The following MAST4 variants were observed in gnomAD, a reference collection of about 807,000 sequenced individuals.
MAST4 encodes the protein microtubule-associated serine/threonine-protein kinase 4.
In MAST4, 89 loss-of-function variants were observed where a neutral mutation model predicts 162.7. The ratio of observed to expected loss-of-function variants is 0.55; its 90% CI spans 0.46 to 0.65. The LOEUF (loss-of-function observed/expected upper bound fraction) is 0.65, where lower values mean the gene tolerates loss of function less well. Among genes scored for constraint, MAST4 ranks in the 30% least tolerant of loss-of-function variants. The pLI is 0.00. For synonymous variants in MAST4, 1,479 were observed against 1,361.1 expected (o/e 1.09, Z -1.91); for missense variants, 3,153 against 3,374.0 (o/e 0.93, Z 1.62).
intron 3 of MAST4, among the ~76,000 whole-genome samples, chr5:66,829,767 TTAAG>T (rs1205721857): frequency 6.6e-6 from 1 of 152,164 alleles, no homozygotes; most frequent in African/African-American, 2.4e-5. Flanking sequence ...TTCCTTAATA[TTAAG>T]TCTTTGAATT....
chr5:67,090,334 C>CTTCTCCCCGTCCCCAG (rs1763701418), intron 6 of MAST4, 103 bp downstream of exon 6: 1 of 588,832 alleles, frequency 1.7e-6, no homozygotes, highest in Non-Finnish European at 2.8e-6. Flanking sequence ...CCCGTCCCCA[C>CTTCTCCCCGTCCCCAG]TTCTCCCCCT....
At chr5:66,912,064 C>T (rs966791383) in intron 4 of MAST4, among the ~76,000 whole-genome samples, 1 of 152,052 alleles carries the variant, frequency 6.6e-6, no homozygotes, top group African/African-American at 2.4e-5. Flanking sequence ...CAGAGAGTAT[C>T]TTCTAGATTT....
chr5:67,153,432 A>G (rs1772088576), intron 25 of MAST4, 26 bp from the exon 26 acceptor site: 3 of 1,593,172 alleles, frequency 1.9e-6, no homozygotes, highest in Non-Finnish European at 2.6e-6. Context: ...GTTTGCCTAC[A>G]AATATCCTCT....
chr5:66,717,528 G>T (rs997384739), intron 1 of MAST4, among the ~76,000 whole-genome samples: 1 of 152,164 alleles, frequency 6.6e-6, no homozygotes, highest in Non-Finnish European at 1.5e-5. Context: ...ACCTAGTGCA[G>T]TCTCAGCCAG....
At chr5:67,133,937 A>G (rs2151003532) in intron 17 of MAST4, among the ~76,000 whole-genome samples, 1 of 152,294 alleles carries the variant, frequency 6.6e-6, no homozygotes, top group Non-Finnish European at 1.5e-5. Context: ...CTGTTTTTGT[A>G]AGGAATTCAG....
At chr5:67,099,873 A>G (rs1172686728) in intron 7 of MAST4, among the ~76,000 whole-genome samples, 1 of 152,158 alleles carries the variant, frequency 6.6e-6, no homozygotes, top group East Asian at 1.9e-4. Flanking sequence ...GAAAAGGAAG[A>G]AAGAAAATTC....
intron 1 of MAST4, among the ~76,000 whole-genome samples, chr5:66,666,642 G>A (rs1272536265): frequency 1.3e-5 from 2 of 152,162 alleles, no homozygotes; most frequent in South Asian, 2.1e-4. Context: ...AACCACTTTG[G>A]TGTCTCTTCT....
chr5:66,707,420 A>G (rs1239113263), intron 1 of MAST4, among the ~76,000 whole-genome samples: 1 of 152,170 alleles, frequency 6.6e-6, no homozygotes, highest in African/African-American at 2.4e-5. Flanking sequence ...CTGCTGTAAC[A>G]AAGTACCACC....
chr5:66,847,297 G>A (rs1362831063), intron 3 of MAST4, among the ~76,000 whole-genome samples: 1 of 152,170 alleles, frequency 6.6e-6, no homozygotes, highest in African/African-American at 2.4e-5. Context: ...GACTGCTGAG[G>A]CAAAGATGCT....
chr5:66,806,435 T>C (rs918443341), intron 3 of MAST4, among the ~76,000 whole-genome samples: 2 of 152,232 alleles, frequency 1.3e-5, no homozygotes, highest in Non-Finnish European at 1.5e-5. Flanking sequence ...CACTTGCATC[T>C]AAATTATGGG....
chr5:66,853,911 A>T (rs962803059), intron 3 of MAST4, among the ~76,000 whole-genome samples: 9 of 152,196 alleles, frequency 5.9e-5, no homozygotes, highest in African/African-American at 2.2e-4. Context: ...TATTTAATAA[A>T]TTACTTAAAG....
At chr5:66,917,276 A>G (rs936635951) in intron 4 of MAST4, 2 of 416,194 alleles carry the variant, frequency 4.8e-6, no homozygotes, top group Non-Finnish European at 4.3e-6. Flanking sequence ...TTCACTGCCC[A>G]TTTTTCCATT....
At chr5:66,713,613 C>A (rs1220628973) in intron 1 of MAST4, among the ~76,000 whole-genome samples, 1 of 152,200 alleles carries the variant, frequency 6.6e-6, no homozygotes, top group Admixed American at 6.5e-5. Flanking sequence ...ATTGAATCAA[C>A]ATCTTTACTA....
intron 1 of MAST4, among the ~76,000 whole-genome samples, chr5:66,676,217 G>C (rs1250117695): frequency 6.6e-6 from 1 of 152,198 alleles, no homozygotes; most frequent in Non-Finnish European, 1.5e-5. Flanking sequence ...TGTCTGGAAG[G>C]AAGCACAGGT....
chr5:66,648,034 ATGTGTGTGTGTGTGTG>A (rs745965169), intron 1 of MAST4, among the ~76,000 whole-genome samples: 36,407 of 119,012 alleles, frequency 0.31, 5,154 homozygotes, highest in South Asian at 0.35. Flanking sequence ...GTGTTAGGTA[ATGTGTGTGTGTGTGTG>A]TGTGTGTGTG....
At chr5:66,907,159 G>GAGAGAGAGAGAGAGAGAT (rs1561433658) in intron 4 of MAST4, among the ~76,000 whole-genome samples, 2 of 3,308 alleles carry the variant, frequency 6.0e-4, no homozygotes, top group African/African-American at 1.3e-3. Flanking sequence ...TCAGCAAAGC[G>GAGAGAGAGAGAGAGAGAT]AGAGAGAGAG....
In MAST4 at chr5:67,163,465, GGCCCAAGAGTGCGGA is replaced by G; in HGVS notation, c.4291_4305del (p.Lys1431_Pro1435del). 6.2e-7 allele frequency: 1 copy of G among 1,613,514 alleles called. No homozygotes were observed. Among genetic ancestry groups the G allele is most frequent in the Non-Finnish European group, 8.5e-7 (1 of 1,179,864 alleles). On this transcript the variant is annotated inframe_deletion, in exon 29 of 29. Transcript: ENST00000403625. The surrounding 1 kb of genome is among the most constrained non-coding windows in gnomAD (Gnocchi z 7.0). ...CCCACCATCGTCAGACACATCGTGAGGCCCAAGAGTGCGGAGCCCCCCAGGTCCCCGCTGCTCAAG... is the reference window on the plus strand; with the variant it reads ...CCCACCATCGTCAGACACATCGTGAGGCCCCCCAGGTCCCCGCTGCTCAAG...
At chr5:66,812,976 G>A (rs904928434) in intron 3 of MAST4, among the ~76,000 whole-genome samples, 3 of 152,174 alleles carry the variant, frequency 2.0e-5, no homozygotes, top group Non-Finnish European at 4.4e-5. Context: ...TTAAAATGGA[G>A]CATTTGAAAC....
intron 4 of MAST4, among the ~76,000 whole-genome samples, chr5:66,974,076 G>T (rs896849860): frequency 1.3e-5 from 2 of 152,004 alleles, no homozygotes. Flanking sequence ...CACTTCCTTA[G>T]CATCTATAGT....
Sources: gnomAD v4.1 joint callset for allele counts (sites outside exome capture counted in the v4.1 genomes callset) on GRCh38, gnomAD v4.1.1 for gene constraint, Gnocchi (gnomAD v3.1) non-coding constraint, MANE v1.5 for transcripts, NCBI Gene and HGNC (gene_info 2026-07-23, HGNC 2026-07-21) for gene names.